PTPRJ: variants seen among roughly 807,000 people sequenced by gnomAD.
PTPRJ encodes protein tyrosine phosphatase receptor type J.
PTPRJ carries 129 observed loss-of-function variants against 141.3 expected under a neutral mutation model. The observed-to-expected ratio is 0.91, with a 90% CI of 0.79 to 1.06. The LOEUF (loss-of-function observed/expected upper bound fraction) is 1.06. Among genes scored for constraint, PTPRJ ranks in the 50% least tolerant of loss-of-function variants. The probability of loss-of-function intolerance (pLI) is 0.00; values close to 1 mark genes in which losing one functional copy is unlikely to be tolerated. For synonymous variants in PTPRJ, 610 were observed against 640.5 expected (o/e 0.95, Z 0.72); for missense variants, 1,601 against 1,679.7 (o/e 0.95, Z 0.82).
intron 1 of PTPRJ, among the ~76,000 whole-genome samples, chr11:48,085,204 A>G (rs770994966): frequency 2.7e-4 from 41 of 151,774 alleles, no homozygotes; most frequent in Admixed American, 5.2e-4. Flanking sequence ...GCTGTTTCTT[A>G]CTAAGCAGAC....
At chr11:48,049,957 A>C (rs1277357879) in intron 1 of PTPRJ, among the ~76,000 whole-genome samples, 1 of 152,188 alleles carries the variant, frequency 6.6e-6, no homozygotes, top group East Asian at 1.9e-4. Flanking sequence ...AGATTTATTG[A>C]AGTTTTGTGG....
chr11:48,059,109 C>CTTTTT (rs1437506736), intron 1 of PTPRJ, among the ~76,000 whole-genome samples: 4 of 125,932 alleles, frequency 3.2e-5, no homozygotes, highest in African/African-American at 1.1e-4. Context: ...CTGTGCTGTG[C>CTTTTT]CTTTTTTTTT....
intron 1 of PTPRJ, among the ~76,000 whole-genome samples, chr11:48,082,586 G>C (rs980650741): frequency 6.8e-6 from 1 of 146,316 alleles, no homozygotes; most frequent in African/African-American, 2.5e-5. Context: ...TGTAGAGACA[G>C]GGTCTCATTA....
chr11:47,999,874 T>TTTTTTTTTTTTG (rs1854445553), intron 1 of PTPRJ, among the ~76,000 whole-genome samples: 1 of 151,028 alleles, frequency 6.6e-6, no homozygotes, highest in African/African-American at 2.5e-5. Flanking sequence ...TTTTTTTTTT[T>TTTTTTTTTTTTG]GAGTCAGAGT....
chr11:48,164,268 C>T, intron 23 of PTPRJ, 112 bp from the exon 24 acceptor site: 1 of 1,332,082 alleles, frequency 7.5e-7, no homozygotes, highest in Non-Finnish European at 1.0e-6. Context: ...CTGTGCATTG[C>T]CCTCAAAGTG....
intron 24 of PTPRJ, among the ~76,000 whole-genome samples, chr11:48,166,270 AAC>A (rs747197052): frequency 1.1e-4 from 17 of 149,858 alleles, no homozygotes; most frequent in South Asian, 2.1e-4. Flanking sequence ...TACATCTGTA[AAC>A]ACACACACAC....
At chr11:48,071,623 T>C (rs1855257261) in intron 1 of PTPRJ, among the ~76,000 whole-genome samples, 2 of 143,620 alleles carry the variant, frequency 1.4e-5, no homozygotes, top group Non-Finnish European at 3.0e-5. Context: ...TTTTTTTTTT[T>C]TTTGAGATGG....
At chr11:48,060,074 C>T (rs758301549) in intron 1 of PTPRJ, among the ~76,000 whole-genome samples, 1 of 152,116 alleles carries the variant, frequency 6.6e-6, no homozygotes, top group Non-Finnish European at 1.5e-5. Flanking sequence ...GAGTGATTGG[C>T]CCCCAATTAG....
intron 1 of PTPRJ, among the ~76,000 whole-genome samples, chr11:48,088,622 C>T (rs1367810123): frequency 6.6e-6 from 1 of 152,118 alleles, no homozygotes; most frequent in African/African-American, 2.4e-5. Context: ...CTTCTATGGG[C>T]CCTCTATAGA....
At chr11:48,080,531 CCT>C (rs1855530726) in intron 1 of PTPRJ, among the ~76,000 whole-genome samples, 1 of 152,164 alleles carries the variant, frequency 6.6e-6, no homozygotes, top group East Asian at 1.9e-4. Context: ...CTTCCTAGCT[CCT>C]GTTTCCAGTG....
chr11:47,982,950 A>T (rs1853950896), intron 1 of PTPRJ, among the ~76,000 whole-genome samples: 1 of 152,160 alleles, frequency 6.6e-6, no homozygotes, highest in Non-Finnish European at 1.5e-5. Context: ...TCCCAGAAGA[A>T]GCATCTTCAA....
intron 1 of PTPRJ, among the ~76,000 whole-genome samples, chr11:48,063,559 G>A (rs769039730): frequency 2.0e-5 from 3 of 152,204 alleles, no homozygotes; most frequent in Non-Finnish European, 4.4e-5. Context: ...TATGGGCAGT[G>A]TCCCAACAGG....
Position 48,167,178 on chromosome 11 carries a change from GTCTC to G in PTPRJ, c.3856-20_3856-17del, listed in dbSNP as rs766966153. ...TTTCTGGGACCCATGTTCATTTTCT[GTCTC>G]TCTCTTTCGTTTTTCTATCAGGACC... is the stretch of plus-strand genomic sequence containing the variant. On this transcript the variant is annotated intron_variant, in intron 24 of 24. Coordinates refer to ENST00000418331, the MANE Select transcript of PTPRJ (RefSeq NM_002843.4). 5 of 1,591,468 alleles carry G rather than the reference GTCTC, an allele frequency of 3.1e-6. No homozygotes were observed. In the South Asian group the frequency reaches 4.5e-5, roughly 14 times the overall value.
At chr11:48,132,491 GTTTT>G (rs1019955217) in intron 8 of PTPRJ, 1 of 983,584 alleles carries the variant, frequency 1.0e-6, no homozygotes, top group Non-Finnish European at 1.2e-6. Flanking sequence ...TGAAATAATT[GTTTT>G]TTGGAAAGGT....
chr11:48,073,594 T>C (rs542226194), intron 1 of PTPRJ, among the ~76,000 whole-genome samples: 1 of 152,332 alleles, frequency 6.6e-6, no homozygotes, highest in East Asian at 1.9e-4. Context: ...CAACTGTAAC[T>C]TGAAAATTTC....
chr11:48,084,669 T>A (rs1326789427), intron 1 of PTPRJ, among the ~76,000 whole-genome samples: 1 of 152,196 alleles, frequency 6.6e-6, no homozygotes, highest in Non-Finnish European at 1.5e-5. Context: ...ACTGCTTGGT[T>A]CATGTGAGCT....
intron 1 of PTPRJ, among the ~76,000 whole-genome samples, chr11:48,024,332 G>A (rs1853748121): frequency 6.6e-6 from 1 of 152,060 alleles, no homozygotes; most frequent in African/African-American, 2.4e-5. Flanking sequence ...CGAGTAGCTG[G>A]GACTACAGAC....
rs539153156 is a variant in PTPRJ at position 48,146,872 on chromosome 11, T to G, written c.2912-4T>G. 8 of 1,613,896 alleles carry G rather than the reference T, an allele frequency of 5.0e-6. No homozygotes were observed. Among genetic ancestry groups the G allele is most frequent in the Non-Finnish European group, 6.8e-6 (8 of 1,179,760 alleles). On this transcript the variant is annotated splice_region_variant and splice_polypyrimidine_tract_variant and intron_variant, in intron 14 of 24. Coordinates refer to ENST00000418331, the MANE Select transcript of PTPRJ (RefSeq NM_002843.4). ...GAAGTGTCTCCCATTTGGACTTTTCTCAGGTGTCATCTGTGGAGCGGTTTT... is the reference window on the plus strand; with the variant it reads ...GAAGTGTCTCCCATTTGGACTTTTCGCAGGTGTCATCTGTGGAGCGGTTTT...
At chr11:48,067,926 G>T (rs1298101885) in intron 1 of PTPRJ, among the ~76,000 whole-genome samples, 3 of 152,184 alleles carry the variant, frequency 2.0e-5, no homozygotes, top group Non-Finnish European at 4.4e-5. Flanking sequence ...AATACAGAAG[G>T]CCCATGTCTC....
Sources: gnomAD v4.1 joint callset for allele counts (sites outside exome capture counted in the v4.1 genomes callset) on GRCh38, gnomAD v4.1.1 for gene constraint, MANE v1.5 for transcripts, NCBI Gene and HGNC (gene_info 2026-07-23, HGNC 2026-07-21) for gene names.